ZFX: variants seen among roughly 807,000 people sequenced by gnomAD.
ZFX encodes the protein zinc finger X-chromosomal protein.
For synonymous variants in ZFX, 196 were observed against 226.8 expected, an observed-to-expected ratio of 0.86 and a Z score of 1.22; for missense variants, 362 against 628.3, an observed-to-expected ratio of 0.58 and a Z score of 4.53.
In ZFX at chrX:24,214,609, TATTTC is replaced by T. The variant is rs1173903913; in HGVS notation, c.*3235_*3239del. On this transcript the variant is annotated 3_prime_UTR_variant, in exon 10 of 10. Transcript: ENST00000304543. ...GTGACTCGGATGCAAATACTGGTAA[TATTTC>T]AGTTCTGTGAATTTGCAAGTAATAT... The T allele has an allele frequency of 1.8e-5, 2 of 112,453 alleles. No homozygotes were observed. The highest frequency in any genetic ancestry group is 9.5e-5 in the Admixed American group (1 of 10,559). The allele number at this position is 112,453 out of a possible 1,213,427, so 9.3% of individuals were successfully genotyped here.
At chrX:24,191,471 A>T (rs1167229218) in intron 5 of ZFX, among the ~76,000 whole-genome samples, 1 of 111,887 alleles carries the variant, frequency 8.9e-6, no homozygotes, top group African/African-American at 3.3e-5. Flanking sequence ...AAATGTATTT[A>T]TCTACTAAAG....
intron 3 of ZFX, among the ~76,000 whole-genome samples, chrX:24,158,618 G>C: frequency 1.8e-5 from 2 of 110,457 alleles, no homozygotes; most frequent in Admixed American, 1.9e-4. Flanking sequence ...TTTTTGAGAG[G>C]GGGTGCTGAT....
chrX:24,199,580 T>G (rs1232560204), intron 5 of ZFX, among the ~76,000 whole-genome samples: 1 of 110,729 alleles, frequency 9.0e-6, no homozygotes. Flanking sequence ...AAGGATGAAA[T>G]GAGGCTAATT....
intron 3 of ZFX, among the ~76,000 whole-genome samples, chrX:24,168,237 C>A (rs1934196192): frequency 8.9e-6 from 1 of 112,533 alleles, no homozygotes. Context: ...AGCATTCCTT[C>A]TACCATGTAT....
At chrX:24,165,362 G>T (rs1334037095) in intron 3 of ZFX, among the ~76,000 whole-genome samples, 1 of 112,164 alleles carries the variant, frequency 8.9e-6, no homozygotes, top group African/African-American at 3.2e-5. Flanking sequence ...CTTGTGATCC[G>T]CCAGCCTCGG....
chrX:24,171,500 T>C (rs1392207206), intron 3 of ZFX, among the ~76,000 whole-genome samples: 1 of 110,997 alleles, frequency 9.0e-6, no homozygotes, highest in Non-Finnish European at 1.9e-5. Flanking sequence ...TGAATTTTAT[T>C]TAGAGGGAGC....
chrX:24,163,666 C>G (rs1485992991), intron 3 of ZFX, among the ~76,000 whole-genome samples: 3 of 106,247 alleles, frequency 2.8e-5, no homozygotes, highest in South Asian at 8.4e-4. Context: ...GCATTAGTCA[C>G]CATGCCCGGC....
intron 5 of ZFX, among the ~76,000 whole-genome samples, chrX:24,192,646 C>T (rs756803830): frequency 4.6e-4 from 51 of 111,643 alleles, no homozygotes; most frequent in Non-Finnish European, 3.9e-4. Flanking sequence ...ATGGCTCACA[C>T]CTGTAATCCC....
At chrX:24,162,508 C>G (rs993280123) in intron 3 of ZFX, among the ~76,000 whole-genome samples, 2 of 111,564 alleles carry the variant, frequency 1.8e-5, no homozygotes, top group Non-Finnish European at 3.8e-5. Flanking sequence ...TCACACAATC[C>G]TATAATAATA....
At chrX:24,192,803 G>A (rs1936627276) in intron 5 of ZFX, among the ~76,000 whole-genome samples, 1 of 109,253 alleles carries the variant, frequency 9.2e-6, no homozygotes, top group African/African-American at 3.3e-5. Flanking sequence ...GCTGAGGTGG[G>A]AGGGTTGCTT....
At chrX:24,157,563 A>G (rs1160819400) in intron 3 of ZFX, among the ~76,000 whole-genome samples, 1 of 112,062 alleles carries the variant, frequency 8.9e-6, no homozygotes, top group Admixed American at 9.5e-5. Context: ...CATGCCAAAC[A>G]ATAAAACTGG....
At chrX:24,162,904 A>G (rs911571380) in intron 3 of ZFX, among the ~76,000 whole-genome samples, 1 of 110,732 alleles carries the variant, frequency 9.0e-6, no homozygotes, top group Non-Finnish European at 1.9e-5. Context: ...GTCTGTGTGG[A>G]TTTGCTTGTT....
chrX:24,179,647 G>T lies in ZFX; in HGVS notation c.523G>T (p.Val175Leu), dbSNP rs758942664. The change falls in exon 5 of 10, where the codon GTA becomes TTA. Residue 175 changes from valine to leucine, a missense_variant. By Grantham distance (32) the Val-to-Leu change is conservative (BLOSUM62 1). Coordinates refer to ENST00000304543, the MANE Select transcript of ZFX (RefSeq NM_003410.4). ...TGTCACTGATCCTCTGACTACCGAC[G>T]TAGTTTCAGAAGAAGTATTGGTAGC... ...EIVTDPLTTD[V>L]VSEEVLVADC... 1 of 1,211,896 alleles carries T rather than the reference G, an allele frequency of 8.3e-7. No individual in the cohort carries two copies. The highest frequency in any genetic ancestry group is 1.1e-6 in the Non-Finnish European group (1 of 895,571).
intron 2 of ZFX, among the ~76,000 whole-genome samples, chrX:24,152,387 C>T (rs1932285286): frequency 9.0e-6 from 1 of 111,362 alleles, no homozygotes; most frequent in Non-Finnish European, 1.9e-5. Context: ...CCTGCCTTGA[C>T]CTCCCAAAGT....
chrX:24,169,591 A>AT (rs1400691975), intron 3 of ZFX, among the ~76,000 whole-genome samples: 4 of 16,797 alleles, frequency 2.4e-4, no homozygotes, highest in South Asian at 7.0e-3. Flanking sequence ...CTAACTAGGA[A>AT]TTAAAAAAAA....
At chrX:24,192,325 AACTT>A (rs1442561662) in intron 5 of ZFX, among the ~76,000 whole-genome samples, 1 of 111,869 alleles carries the variant, frequency 8.9e-6, no homozygotes, top group Non-Finnish European at 1.9e-5. Flanking sequence ...CCCTTGAGGT[AACTT>A]ACTTAGGAAG....
rs1938313636 is a variant in ZFX at position 24,214,228 on chromosome X, A to G, written c.*2852A>G. On this transcript the variant is annotated 3_prime_UTR_variant, in exon 10 of 10. Coordinates refer to ENST00000304543, the MANE Select transcript of ZFX (RefSeq NM_003410.4). The stretch of plus-strand genomic sequence containing the variant: ...GAGGTACAGATTTTTACAAGGACAT[A>G]ATATAAGTTATTGTTCTGTAGAAAT... The G allele has an allele frequency of 8.9e-6, 1 of 112,080 alleles. No individual in the cohort carries two copies. The highest frequency in any genetic ancestry group is 1.9e-5 in the Non-Finnish European group (1 of 53,086). 9.2% of individuals were successfully genotyped at this position (112,080 alleles called of 1,213,427 possible).
chrX:24,175,384 T>A (rs1238024283), intron 4 of ZFX: 1 of 111,773 alleles, frequency 8.9e-6, no homozygotes, highest in African/African-American at 3.3e-5. Context: ...AACCTCTCAT[T>A]ACAGTTTTTC....
Position 24,211,648 on chromosome X carries a change from T to A in ZFX, c.*272T>A, listed in dbSNP as rs1050797573. 5 of 290,766 alleles carry A rather than the reference T, an allele frequency of 1.7e-5. No homozygotes were observed. Among genetic ancestry groups the A allele is most frequent in the Non-Finnish European group, 3.0e-5 (5 of 168,724 alleles). The allele number at this position is 290,766 out of a possible 1,213,427, so 24.0% of individuals were successfully genotyped here. A position where few individuals can be genotyped will look rare whatever the true frequency, so the allele number is the denominator to read the frequency against. On this transcript the variant is annotated 3_prime_UTR_variant, in exon 10 of 10. Transcript: ENST00000304543. ...CCTGATTCTATACCGAAGTTTTATA[T>A]CTTAGAATTTTATATTTATTTAAAT...
Sources: allele counts gnomAD v4.1 joint callset (sites outside exome capture counted in the v4.1 genomes callset), GRCh38; gene constraint gnomAD v4.1.1; transcripts MANE v1.5; gene names NCBI Gene and HGNC (gene_info 2026-07-23, HGNC 2026-07-21).